NR1H4: variants seen among roughly 807,000 people sequenced by gnomAD.
NR1H4 encodes bile acid receptor.
A neutral mutation model predicts 58.5 loss-of-function variants in NR1H4; 23 were observed. The observed-to-expected ratio is 0.39, with a 90% confidence interval of 0.28 to 0.56. The LOEUF (loss-of-function observed/expected upper bound fraction) is 0.56, where lower values mean the gene tolerates loss of function less well. Ranked by LOEUF, NR1H4 falls within the 20% of genes least tolerant of loss-of-function variation. NR1H4 has a pLI of 0.58. For missense variants in NR1H4, 487 were observed against 576.9 expected (o/e 0.84, Z 1.60); for synonymous variants, 214 against 198.0 (o/e 1.08, Z -0.68).
In NR1H4 at chr12:100,492,638, G is replaced by C. The variant is rs1462842368; in HGVS notation, c.-55+1G>C. ...TCAAGATGAAACTTCAGACACTTTG[G>C]TGAGATTTACCATTATTTTTCTTCT... On this transcript the variant is annotated splice_donor_variant, in intron 2 of 10. Coordinates refer to ENST00000392986, the MANE Select transcript of NR1H4 (RefSeq NM_001206979.2). LOFTEE classifies it low-confidence loss of function (5UTR_SPLICE). 1 of 152,092 alleles carries C rather than the reference G, an allele frequency of 6.6e-6. No homozygotes were observed. Among genetic ancestry groups the C allele is most frequent in the East Asian group, 1.9e-4 (1 of 5,192 alleles). The allele number at this position is 152,092 out of a possible 1,614,324, so 9.4% of individuals were successfully genotyped here.
intron 3 of NR1H4, among the ~76,000 whole-genome samples, chr12:100,497,402 G>C (rs903909803): frequency 2.0e-5 from 3 of 152,156 alleles, no homozygotes; most frequent in Non-Finnish European, 4.4e-5. Flanking sequence ...CCACAGGTAT[G>C]GCCGAGATCA....
At chr12:100,485,443 G>A (rs1953470616) in intron 1 of NR1H4, among the ~76,000 whole-genome samples, 1 of 152,160 alleles carries the variant, frequency 6.6e-6, no homozygotes, top group Non-Finnish European at 1.5e-5. Flanking sequence ...CAAACTGTAT[G>A]TATTATTCTG....
intron 4 of NR1H4, among the ~76,000 whole-genome samples, chr12:100,530,490 CAG>C (rs1954665510): frequency 1.3e-5 from 2 of 152,294 alleles, no homozygotes; most frequent in South Asian, 4.1e-4. Context: ...TCAATTTTGA[CAG>C]AGACATGAAG....
intron 10 of NR1H4, among the ~76,000 whole-genome samples, 161 bp from the exon 11 acceptor site, chr12:100,563,090 C>G (rs1416127851): frequency 6.6e-6 from 1 of 152,142 alleles, no homozygotes; most frequent in South Asian, 2.1e-4. Context: ...GTTATAATTA[C>G]GTGTGTGTGC....
At chr12:100,525,757 T>C (rs1288619999) in intron 4 of NR1H4, among the ~76,000 whole-genome samples, 1 of 152,186 alleles carries the variant, frequency 6.6e-6, no homozygotes, top group East Asian at 1.9e-4. Context: ...AGTGAGACCA[T>C]CTGGGCCTGT....
At chr12:100,536,639 T>C (rs773757622) in intron 7 of NR1H4, 29 bp downstream of exon 7, 1 of 1,251,204 alleles carries the variant, frequency 8.0e-7, no homozygotes, top group Non-Finnish European at 1.2e-6. Context: ...AATATGTGGG[T>C]TTAAAGTTAA....
At chr12:100,538,832 A>G (rs772732142) in intron 8 of NR1H4, among the ~76,000 whole-genome samples, 1 of 152,216 alleles carries the variant, frequency 6.6e-6, no homozygotes, top group Non-Finnish European at 1.5e-5. Flanking sequence ...GAAATTTCTC[A>G]CTATCATTGA....
Position 100,563,467 on chromosome 12 carries a change from G to T in NR1H4, c.1409G>T (p.Cys470Phe). ...GACCACAAGTTTACCCCACTTCTCT[G>T]TGAAATCTGGGACGTGCAGTGATGG... ...VNDHKFTPLL[C>F]EIWDVQ The change falls in exon 11 of 11, where the codon TGT (cysteine) becomes TTT (phenylalanine). Residue 470 changes from cysteine to phenylalanine, a missense_variant. Cys to Phe is a radical substitution (Grantham distance 205). Transcript: ENST00000392986. The T allele has an allele frequency of 6.2e-7, 1 of 1,614,094 alleles. No individual in the cohort carries two copies.
rs918727809 is a variant in NR1H4 at position 100,527,876 on chromosome 12, T to TA, written c.446-4573dup. ...ATCCCTAAAACTTAAAGTATAATAA[T>TA]AAAAAAAAAGAAAGAGATAATAGTA... is the stretch of plus-strand genomic sequence containing the variant. On this transcript the variant is annotated intron_variant, in intron 4 of 10. Coordinates refer to ENST00000392986, the MANE Select transcript of NR1H4 (RefSeq NM_001206979.2). Among the ~76,000 whole-genome samples, 138 of 151,148 alleles carry TA rather than the reference T, an allele frequency of 9.1e-4. 1 individual carries two copies. Among genetic ancestry groups the TA allele is most frequent in the East Asian group, 5.8e-3 (30 of 5,168 alleles).
Position 100,561,953 on chromosome 12 carries a change from C to G in NR1H4, c.1147C>G (p.Gln383Glu). The change falls in exon 10 of 11, where the codon CAA becomes GAA. Residue 383 changes from glutamine (Q) to glutamate (E), a missense_variant. Physicochemically the swap from Gln to Glu is conservative, Grantham distance 29. Coordinates refer to ENST00000392986, the MANE Select transcript of NR1H4 (RefSeq NM_001206979.2). ...AAGTATTGGGGAACTGAAAATGACT[C>G]AAGAGGAGTATGCTCTGCTTACAGC... ...YKSIGELKMT[Q>E]EEYALLTAIV... 1 of 1,572,436 alleles carries G rather than the reference C, an allele frequency of 6.4e-7. No homozygotes were observed. Among genetic ancestry groups the G allele is most frequent in the Non-Finnish European group, 8.8e-7 (1 of 1,142,476 alleles).
At chr12:100,513,771 G>C (rs551477086) in intron 4 of NR1H4, among the ~76,000 whole-genome samples, 26 of 148,958 alleles carry the variant, frequency 1.7e-4, no homozygotes, top group African/African-American at 6.2e-4. Context: ...CTCCATCCTG[G>C]ATGACAGAGC....
chr12:100,533,085 C>T (rs1421440863), intron 5 of NR1H4, among the ~76,000 whole-genome samples: 1 of 152,148 alleles, frequency 6.6e-6, no homozygotes, highest in East Asian at 1.9e-4. Flanking sequence ...TCTCTTAGTG[C>T]AGCTTTGAAC....
chr12:100,506,602 A>G (rs1656493455), intron 3 of NR1H4, among the ~76,000 whole-genome samples: 1 of 152,092 alleles, frequency 6.6e-6, no homozygotes, highest in African/African-American at 2.4e-5. Flanking sequence ...TCCACCTCCC[A>G]GGTTCAAGTG....
chr12:100,561,187 G>GAGATC (rs924028266), intron 9 of NR1H4, among the ~76,000 whole-genome samples: 5 of 152,072 alleles, frequency 3.3e-5, no homozygotes, highest in African/African-American at 1.2e-4. Flanking sequence ...ACGAGGTCAG[G>GAGATC]AGATCAAGAC....
chr12:100,498,361 G>A (rs769078100), intron 3 of NR1H4, among the ~76,000 whole-genome samples: 4 of 152,208 alleles, frequency 2.6e-5, no homozygotes, highest in Non-Finnish European at 5.9e-5. Context: ...AAATAAGGCT[G>A]GGCGCGGGGG....
intron 8 of NR1H4, among the ~76,000 whole-genome samples, chr12:100,540,076 C>G (rs927212855): frequency 2.0e-5 from 3 of 152,082 alleles, no homozygotes; most frequent in African/African-American, 7.2e-5. Flanking sequence ...ACTATTTAAG[C>G]CTGGATAACA....
At chr12:100,534,718 G>C (rs1954774274) in intron 5 of NR1H4, among the ~76,000 whole-genome samples, 172 bp from the exon 6 acceptor site, 1 of 152,110 alleles carries the variant, frequency 6.6e-6, no homozygotes, top group African/African-American at 2.4e-5. Context: ...ACTTGTTCAA[G>C]GTTAAGTCTC....
In NR1H4 at chr12:100,540,172, G is replaced by A. The variant is rs150225107; in HGVS notation, c.932-500G>A. On this transcript the variant is annotated intron_variant, in intron 8 of 10. Coordinates refer to ENST00000392986, the MANE Select transcript of NR1H4 (RefSeq NM_001206979.2). Reference sequence around the variant, plus strand: ...CTGATTTTCCCCCACCCTGTGTGTCGCAGTGCTGAGTTCAGAGCAGATACA... The same window carrying A: ...CTGATTTTCCCCCACCCTGTGTGTCACAGTGCTGAGTTCAGAGCAGATACA... Among the ~76,000 whole-genome samples the A allele has an allele frequency of 5.3e-5, 8 of 152,256 alleles. No individual in the cohort carries two copies. In the East Asian group the frequency reaches 7.7e-4, roughly 15 times the overall value.
At chr12:100,498,466 T>C (rs1049379978) in intron 3 of NR1H4, among the ~76,000 whole-genome samples, 2 of 151,980 alleles carry the variant, frequency 1.3e-5, no homozygotes, top group Non-Finnish European at 2.9e-5. Flanking sequence ...TGGTGAAACC[T>C]CGTCTCTACT....
Sources: allele counts gnomAD v4.1 joint callset (sites outside exome capture counted in the v4.1 genomes callset), GRCh38; gene constraint gnomAD v4.1.1; transcripts MANE v1.5; gene names NCBI Gene and HGNC (gene_info 2026-07-23, HGNC 2026-07-21).